CNTNAP5: variants seen among roughly 807,000 people sequenced by gnomAD.
CNTNAP5 encodes the protein contactin-associated protein-like 5.
Under a neutral mutation model 150.2 loss-of-function variants are expected in CNTNAP5, and 72 were observed. The observed-to-expected ratio is 0.48, with a 90% CI of 0.40 to 0.58. CNTNAP5 has a LOEUF of 0.58. Among genes scored for constraint, CNTNAP5 ranks in the 20% least tolerant of loss-of-function variants. The probability of loss-of-function intolerance (pLI) is 0.00; values close to 1 mark genes in which losing one functional copy is unlikely to be tolerated. For synonymous variants in CNTNAP5, 672 were observed against 619.8 expected (o/e 1.08, Z -1.25); for missense variants, 1,636 against 1,626.2 (o/e 1.01, Z -0.10).
At chr2:124,577,205 T>C (rs114212298) in intron 11 of CNTNAP5, among the ~76,000 whole-genome samples, 2,068 of 152,282 alleles carry the variant, frequency 0.014, 27 homozygotes, top group Non-Finnish European at 0.021. Context: ...TCTCAGTCGC[T>C]TGACATGAAG....
At chr2:124,028,950 C>T (rs997071328) in intron 1 of CNTNAP5, among the ~76,000 whole-genome samples, 4 of 152,070 alleles carry the variant, frequency 2.6e-5, no homozygotes, top group African/African-American at 9.7e-5. Context: ...AATGTGCATT[C>T]AGAAGATAGC....
intron 1 of CNTNAP5, among the ~76,000 whole-genome samples, chr2:124,064,952 G>A (rs984959497): frequency 4.0e-5 from 6 of 149,682 alleles, no homozygotes; most frequent in Admixed American, 1.3e-4. Flanking sequence ...AAAGGCTCCC[G>A]TGACCCCTCT....
chr2:124,866,498 C>T (rs1405397344), intron 20 of CNTNAP5, among the ~76,000 whole-genome samples: 1 of 152,064 alleles, frequency 6.6e-6, no homozygotes, highest in Non-Finnish European at 1.5e-5. Flanking sequence ...GCTGATCCCA[C>T]CTGGGCATCA....
At chr2:124,792,492 G>A (rs2104635398) in intron 18 of CNTNAP5, among the ~76,000 whole-genome samples, 1 of 152,114 alleles carries the variant, frequency 6.6e-6, no homozygotes, top group Admixed American at 6.5e-5. Context: ...CAGAGCTTTT[G>A]TTTTGTGTAT....
intron 11 of CNTNAP5, among the ~76,000 whole-genome samples, chr2:124,568,506 T>C (rs1467666823): frequency 1.3e-5 from 2 of 152,232 alleles, no homozygotes; most frequent in East Asian, 3.9e-4. Context: ...TAGAGAATAC[T>C]GAAGCACACT....
At chr2:124,229,837 A>G (rs996540219) in intron 2 of CNTNAP5, among the ~76,000 whole-genome samples, 6 of 152,072 alleles carry the variant, frequency 3.9e-5, no homozygotes, top group African/African-American at 1.2e-4. Context: ...TTAAAAGGAA[A>G]ATAGAAATAG....
intron 1 of CNTNAP5, among the ~76,000 whole-genome samples, chr2:124,212,974 G>A (rs1023204231): frequency 6.6e-6 from 1 of 151,708 alleles, no homozygotes; most frequent in African/African-American, 2.4e-5. Context: ...GAGTAGCTGG[G>A]ACTACAGGCG....
chr2:124,183,695 A>T (rs754912140), intron 1 of CNTNAP5, among the ~76,000 whole-genome samples: 7 of 152,322 alleles, frequency 4.6e-5, no homozygotes, highest in Middle Eastern at 3.4e-3. Flanking sequence ...AAAAGGTTAT[A>T]ATGAAGTTGA....
chr2:124,264,953 T>A (rs1687568457), intron 3 of CNTNAP5, among the ~76,000 whole-genome samples: 1 of 152,234 alleles, frequency 6.6e-6, no homozygotes, highest in South Asian at 2.1e-4. Context: ...CAAGTTAGTG[T>A]GCTTTGTGCT....
intron 19 of CNTNAP5, among the ~76,000 whole-genome samples, chr2:124,851,776 T>C (rs987307696): frequency 1.3e-5 from 2 of 151,994 alleles, no homozygotes; most frequent in Admixed American, 6.6e-5. Flanking sequence ...AAGCTGAGAT[T>C]AAGAGGAGGG....
At chr2:124,138,778 C>A (rs954974300) in intron 1 of CNTNAP5, among the ~76,000 whole-genome samples, 22 of 152,036 alleles carry the variant, frequency 1.4e-4, no homozygotes, top group African/African-American at 5.1e-4. Flanking sequence ...ATGTAAGAAC[C>A]TACATGATCT....
intron 1 of CNTNAP5, among the ~76,000 whole-genome samples, chr2:124,073,306 A>G (rs1682358848): frequency 6.6e-6 from 1 of 152,140 alleles, no homozygotes; most frequent in Admixed American, 6.6e-5. Context: ...CTGGGCAAAG[A>G]TTTCTATAGT....
intron 21 of CNTNAP5, among the ~76,000 whole-genome samples, chr2:124,895,467 A>G (rs1434680950): frequency 6.6e-6 from 1 of 151,370 alleles, no homozygotes; most frequent in African/African-American, 2.5e-5. Flanking sequence ...TCCACAACAA[A>G]TTTTAAAAAG....
chr2:124,886,783 G>T (rs1005681821), intron 21 of CNTNAP5, among the ~76,000 whole-genome samples: 5 of 151,994 alleles, frequency 3.3e-5, no homozygotes, highest in African/African-American at 1.2e-4. Flanking sequence ...AACTCCCCCT[G>T]CTTACCTCAC....
intron 21 of CNTNAP5, among the ~76,000 whole-genome samples, chr2:124,871,921 T>G (rs1677757608): frequency 6.6e-6 from 1 of 152,070 alleles, no homozygotes; most frequent in South Asian, 2.1e-4. Flanking sequence ...TATCAAATCT[T>G]GCTTCCTCCT....
At chr2:124,348,865 G>A (rs1465333799) in intron 3 of CNTNAP5, among the ~76,000 whole-genome samples, 1 of 152,122 alleles carries the variant, frequency 6.6e-6, no homozygotes, top group African/African-American at 2.4e-5. Context: ...GCATGTGTGT[G>A]TCAAGCTGTT....
intron 3 of CNTNAP5, among the ~76,000 whole-genome samples, chr2:124,255,423 C>T (rs1168456731): frequency 6.6e-6 from 1 of 151,844 alleles, no homozygotes; most frequent in Non-Finnish European, 1.5e-5. Flanking sequence ...ACTCAGGAGG[C>T]TGAGGCAGGA....
rs771659732 is a variant in CNTNAP5, at chr2:124,872,387, TG to T, written c.3436+2626del. 1.2e-3 allele frequency among the ~76,000 whole-genome samples: 174 copies of T among 148,518 alleles called. 1 individual carries two copies. The highest frequency in any genetic ancestry group is 2.0e-3 in the Non-Finnish European group (133 of 66,082). ...TGTTTCCTTATGCTGTGTGTGTGTG[TG>T]TGTGTGTGTGTGTGTGTGTGTGTGT... On this transcript the variant is annotated intron_variant, in intron 21 of 23. Transcript: ENST00000682447.
chr2:124,166,883 C>A (rs988170854), intron 1 of CNTNAP5, among the ~76,000 whole-genome samples: 2 of 152,172 alleles, frequency 1.3e-5, no homozygotes, highest in African/African-American at 4.8e-5. Flanking sequence ...TCAAATCCAT[C>A]TCCAAGCCTT....
Sources: gnomAD v4.1 joint callset for allele counts (sites outside exome capture counted in the v4.1 genomes callset) on GRCh38, gnomAD v4.1.1 for gene constraint, MANE v1.5 for transcripts, NCBI Gene and HGNC (gene_info 2026-07-23, HGNC 2026-07-21) for gene names.